Variants in RASGRP3 observed in about 807,000 individuals in gnomAD.
The protein encoded by RASGRP3 is ras guanyl-releasing protein 3.
A neutral mutation model predicts 82.7 loss-of-function variants in RASGRP3; 54 were observed. That is an observed-to-expected ratio of 0.65 (90% CI 0.52 to 0.82). RASGRP3 has a LOEUF of 0.82. Among genes scored for constraint, RASGRP3 ranks in the 40% least tolerant of loss-of-function variants. RASGRP3 has a pLI of 0.00. For synonymous variants in RASGRP3, 309 were observed against 300.5 expected (o/e 1.03, Z -0.29); for missense variants, 861 against 828.9 (o/e 1.04, Z -0.48).
intron 2 of RASGRP3, among the ~76,000 whole-genome samples, chr2:33,462,715 C>G (rs371504469): frequency 5.9e-5 from 9 of 152,172 alleles, no homozygotes; most frequent in Non-Finnish European, 1.2e-4. Flanking sequence ...CTGTGATTCT[C>G]ACGAAGATCA....
intron 1 of RASGRP3, among the ~76,000 whole-genome samples, chr2:33,489,645 G>C (rs1005432075): frequency 2.6e-5 from 4 of 152,024 alleles, no homozygotes; most frequent in Non-Finnish European, 5.9e-5. Context: ...AGCTCACTGT[G>C]ACCTCTCTGC....
chr2:33,543,230 G>T lies in RASGRP3; in HGVS notation c.1279-282G>T, dbSNP rs375707521. On this transcript the variant is annotated intron_variant, in intron 12 of 17. Transcript: ENST00000403687. ...AGGTCTCTCTATATTGCTCAGGCTG[G>T]TCTCAAACTCTTGGGCTCAAGTGAT... Among the ~76,000 whole-genome samples, 26 of 152,198 alleles carry T rather than the reference G, an allele frequency of 1.7e-4. No homozygotes were observed. In the South Asian group the frequency reaches 5.4e-3, roughly 32 times the overall value.
In RASGRP3 at chr2:33,520,632, G is replaced by A; in HGVS notation, c.316G>A (p.Ala106Thr). 1 of 1,614,012 alleles carries A rather than the reference G, an allele frequency of 6.2e-7. No homozygotes were observed. The highest frequency in any genetic ancestry group is 8.5e-7 in the Non-Finnish European group (1 of 1,179,878). ...IRMTEEFREV[A>T]SQLGYEKHVS... ...TATGACTGAGGAATTTCGGGAAGTAGCTAGTCAACTAGGATATGAAAAACA... is the reference window on the plus strand; with the variant it reads ...TATGACTGAGGAATTTCGGGAAGTAACTAGTCAACTAGGATATGAAAAACA... The change falls in exon 6 of 18, where the codon GCT (alanine) becomes ACT (threonine). Residue 106 changes from alanine to threonine, a missense_variant. Physicochemically the swap from Ala to Thr is moderately conservative, Grantham distance 58 (BLOSUM62 0). Coordinates refer to ENST00000403687, the MANE Select transcript of RASGRP3 (RefSeq NM_001139488.2).
rs536873302 is a variant in RASGRP3, at chr2:33,551,039, G to A, written c.1542+1288G>A. Among the ~76,000 whole-genome samples the A allele has an allele frequency of 1.2e-4, 18 of 152,212 alleles. No individual in the cohort carries two copies. The South Asian group carries it at 2.3e-3, about 19-fold the overall frequency. On this transcript the variant is annotated intron_variant, in intron 14 of 17. Coordinates refer to ENST00000403687, the MANE Select transcript of RASGRP3 (RefSeq NM_001139488.2). ...TCATAAAACAAATGGTTGGCCAGGC[G>A]CGGTGGCTCATGTGTGTAATCCCAG...
At chr2:33,507,983 G>A (rs1198864029) in intron 1 of RASGRP3, among the ~76,000 whole-genome samples, 1 of 152,250 alleles carries the variant, frequency 6.6e-6, no homozygotes, top group Non-Finnish European at 1.5e-5. Flanking sequence ...ATGGAGAAGG[G>A]AAAGAAGTGG....
intron 2 of RASGRP3, among the ~76,000 whole-genome samples, chr2:33,463,048 G>T (rs1315943634): frequency 1.3e-5 from 2 of 152,162 alleles, no homozygotes; most frequent in Non-Finnish European, 2.9e-5. Context: ...TCTAGATTCA[G>T]ATTAACTTTA....
intron 14 of RASGRP3, among the ~76,000 whole-genome samples, chr2:33,552,892 A>AT (rs1453659450): frequency 6.6e-6 from 1 of 152,176 alleles, no homozygotes; most frequent in East Asian, 1.9e-4. Context: ...ATTACTCCAA[A>AT]TATGACAGCA....
At chr2:33,544,765 T>A (rs548063237) in intron 13 of RASGRP3, among the ~76,000 whole-genome samples, 1 of 151,986 alleles carries the variant, frequency 6.6e-6, no homozygotes, top group Non-Finnish European at 1.5e-5. Flanking sequence ...GAGGCTGAGA[T>A]AGTAGGATTA....
chr2:33,562,644 G>GTCA (rs398090232), intron 17 of RASGRP3, 85 bp from the exon 18 acceptor site: 8 of 1,453,944 alleles, frequency 5.5e-6, no homozygotes, highest in South Asian at 1.2e-5. Flanking sequence ...TTCCCTCAAA[G>GTCA]TCATCTGAAA....
intron 12 of RASGRP3, among the ~76,000 whole-genome samples, chr2:33,543,186 A>C (rs1674429217): frequency 6.6e-6 from 1 of 152,086 alleles, no homozygotes. Context: ...CTAATTAAAA[A>C]TGTTTTTTTG....
intron 13 of RASGRP3, among the ~76,000 whole-genome samples, chr2:33,548,100 G>A (rs913098120): frequency 2.6e-5 from 4 of 152,140 alleles, no homozygotes; most frequent in East Asian, 3.9e-4. Flanking sequence ...GGTGGCTCAC[G>A]CCTGTAATCC....
At chr2:33,469,617 GC>G (rs1293796231) in intron 2 of RASGRP3, among the ~76,000 whole-genome samples, 2 of 152,062 alleles carry the variant, frequency 1.3e-5, no homozygotes, top group Non-Finnish European at 2.9e-5. Context: ...GGGCCACCAT[GC>G]CCAGCTAATT....
upstream of RASGRP3, among the ~76,000 whole-genome samples, chr2:33,472,203 A>C (rs1418718001): frequency 6.6e-6 from 1 of 152,230 alleles, no homozygotes; most frequent in Non-Finnish European, 1.5e-5. Flanking sequence ...GCATTGCAGG[A>C]TATAAAATAA....
At chr2:33,486,374 G>A (rs1282584265) in intron 1 of RASGRP3, among the ~76,000 whole-genome samples, 3 of 151,972 alleles carry the variant, frequency 2.0e-5, no homozygotes, top group South Asian at 2.1e-4. Flanking sequence ...TGCCATATTG[G>A]CCAGGCTGGT....
rs552935537 is a variant in RASGRP3, at chr2:33,489,489, C to G, written c.-261+12782C>G. On this transcript the variant is annotated intron_variant, in intron 1 of 17. Transcript: ENST00000403687. Reference sequence around the variant, plus strand: ...GTCCAAAAGATCAAATGTTGGCAGGCAAGGATACTGATATTTAGTCAGCAG... The same window carrying G: ...GTCCAAAAGATCAAATGTTGGCAGGGAAGGATACTGATATTTAGTCAGCAG... 1.1e-3 allele frequency among the ~76,000 whole-genome samples: 171 copies of G among 152,244 alleles called. 1 individual carries two copies. Among genetic ancestry groups the G allele is most frequent in the African/African-American group, 3.8e-3 (158 of 41,536 alleles).
At chr2:33,502,720 G>T (rs1574358643) in intron 1 of RASGRP3, among the ~76,000 whole-genome samples, 1 of 152,026 alleles carries the variant, frequency 6.6e-6, no homozygotes, top group East Asian at 1.9e-4. Context: ...TCACCATATT[G>T]TTCAGGCTGA....
rs372077274 is a variant in RASGRP3, at chr2:33,464,086, A to G, written c.-261+16143A>G. On this transcript the variant is annotated intron_variant, in intron 2 of 18. Transcript: ENST00000402538. ...ATTTCTCATTTTAGTAATTCTTGCA[A>G]TATTCAAACTTAATAATAATAATAA... 7.3e-3 allele frequency among the ~76,000 whole-genome samples: 1,045 copies of G among 143,228 alleles called. 9 individuals are homozygous for G. The highest frequency in any genetic ancestry group is 0.012 in the Non-Finnish European group (784 of 66,736). 94.0% of individuals were successfully genotyped at this position (143,228 alleles called of 152,430 possible). A position where few individuals can be genotyped will look rare whatever the true frequency, so the allele number is the denominator to read the frequency against.
intron 2 of RASGRP3, among the ~76,000 whole-genome samples, chr2:33,471,006 T>C (rs1443930280): frequency 6.6e-6 from 1 of 152,178 alleles, no homozygotes; most frequent in South Asian, 2.1e-4. Context: ...ATAATGAGCA[T>C]GCTTTTCTTG....
chr2:33,532,807 T>C (rs539266676), intron 10 of RASGRP3: 1 of 152,350 alleles, frequency 6.6e-6, no homozygotes, highest in South Asian at 2.1e-4. Flanking sequence ...TTAAATGTTA[T>C]ATTCAAGCAG....
Sources: gnomAD v4.1 joint callset for allele counts (sites outside exome capture counted in the v4.1 genomes callset) on GRCh38, gnomAD v4.1.1 for gene constraint, MANE v1.5 for transcripts, NCBI Gene and HGNC (gene_info 2026-07-23, HGNC 2026-07-21) for gene names.